OCA2: variants seen among roughly 807,000 people sequenced by gnomAD.
The protein encoded by OCA2 is OCA2 melanosomal transmembrane protein, also known as P protein.
A neutral mutation model predicts 100.2 loss-of-function variants in OCA2; 77 were observed. The observed-to-expected ratio is 0.77, with a 90% CI of 0.64 to 0.93. OCA2 has a LOEUF of 0.93. Among genes scored for constraint, OCA2 ranks in the 40% least tolerant of loss-of-function variants. The pLI is 0.00. For missense variants in OCA2, 1,062 were observed against 1,089.1 expected (o/e 0.98, Z 0.35); for synonymous variants, 432 against 439.2 (o/e 0.98, Z 0.21).
Position 28,093,395 on chromosome 15 carries a change from G to A in OCA2, c.-22+5829C>T, listed in dbSNP as rs2044905037. Among the ~76,000 whole-genome samples, 3 of 137,718 alleles carry A rather than the reference G, an allele frequency of 2.2e-5. No individual in the cohort carries two copies. In the Admixed American group the frequency reaches 2.3e-4, roughly 11 times the overall value. The allele number at this position is 137,718 out of a possible 152,430, so 90.3% of individuals were successfully genotyped here. On this transcript the variant is annotated intron_variant, in intron 1 of 23. Coordinates refer to ENST00000354638, the MANE Select transcript of OCA2 (RefSeq NM_000275.3). ...CACTGCACTCCAGCCTGGGCGACAA[G>A]AGCAAAACACCGTCTCAAAAAAAAA... is the stretch of plus-strand genomic sequence containing the variant.
intron 19 of OCA2, among the ~76,000 whole-genome samples, chr15:27,916,499 AG>A (rs2140303974): frequency 6.6e-6 from 1 of 152,344 alleles, no homozygotes; most frequent in Non-Finnish European, 1.5e-5. Flanking sequence ...AAGGACACTT[AG>A]CATTTCAAAT....
chr15:27,820,164 G>C (rs1220574237), intron 23 of OCA2, among the ~76,000 whole-genome samples: 1 of 152,112 alleles, frequency 6.6e-6, no homozygotes, highest in African/African-American at 2.4e-5. Flanking sequence ...GTAAATGATT[G>C]GAGAAGCATA....
intron 14 of OCA2, among the ~76,000 whole-genome samples, chr15:27,975,490 T>C (rs760371653): frequency 5.8e-4 from 88 of 152,214 alleles, no homozygotes; most frequent in Non-Finnish European, 1.1e-3. Context: ...CTAAAGTTCA[T>C]TTTTCCTGAA....
intron 2 of OCA2, among the ~76,000 whole-genome samples, chr15:28,074,374 C>T (rs2044359706): frequency 6.6e-6 from 1 of 151,652 alleles, no homozygotes; most frequent in African/African-American, 2.4e-5. Flanking sequence ...CCCGTCTCTA[C>T]TAAAAATACA....
intron 9 of OCA2, among the ~76,000 whole-genome samples, chr15:28,009,619 C>T (rs548622069): frequency 5.1e-4 from 77 of 151,590 alleles, no homozygotes; most frequent in Admixed American, 1.6e-3. Context: ...ACCCACAAGG[C>T]GCAGGTTGCA....
In OCA2 at chr15:27,957,960, C is replaced by T. The variant is rs903802784; in HGVS notation, c.1637-225G>A. 1.2e-4 allele frequency among the ~76,000 whole-genome samples: 18 copies of T among 152,232 alleles called. No homozygotes were observed. Among genetic ancestry groups the T allele is most frequent in the African/African-American group, 3.9e-4 (16 of 41,540 alleles). ...ATCACAAATTGCAAGGACAAAAAACCAAACACCACATGTTCTCACTCATAG... is the reference window on the plus strand; with the variant it reads ...ATCACAAATTGCAAGGACAAAAAACTAAACACCACATGTTCTCACTCATAG... On this transcript the variant is annotated intron_variant, in intron 15 of 23. Transcript: ENST00000354638. The surrounding 1 kb of genome is among the most constrained non-coding windows in gnomAD (Gnocchi z 4.3).
chr15:27,732,817 C>A, the OCA2 span, among the ~76,000 whole-genome samples: 2 of 152,308 alleles, frequency 1.3e-5, no homozygotes, highest in Admixed American at 6.5e-5. Context: ...CCATTCATGA[C>A]TTTTGGAGAT....
chr15:27,725,841 T>C, the OCA2 span, among the ~76,000 whole-genome samples: 1,069 of 151,736 alleles, frequency 7.0e-3, 13 homozygotes, highest in African/African-American at 0.025. Context: ...TTAAAAAGAG[T>C]GGGTTGAGTT....
At chr15:27,832,254 C>T (rs1417550737) in intron 23 of OCA2, among the ~76,000 whole-genome samples, 2 of 152,192 alleles carry the variant, frequency 1.3e-5, no homozygotes, top group African/African-American at 4.8e-5. Flanking sequence ...CTGCCCTGCA[C>T]ACACTGGCCC....
chr15:27,794,779 T>G (rs1262340150), intron 23 of OCA2, among the ~76,000 whole-genome samples: 2 of 152,178 alleles, frequency 1.3e-5, no homozygotes, highest in East Asian at 3.8e-4. Context: ...CCTTCTCAAT[T>G]GCCAATTTTT....
At chr15:27,737,457 AAT>A in the OCA2 span, among the ~76,000 whole-genome samples, 1 of 152,218 alleles carries the variant, frequency 6.6e-6, no homozygotes, top group Admixed American at 6.5e-5. Context: ...AGGATAGCAA[AAT>A]ATGTCAATAG....
chr15:28,090,562 A>G (rs1248466314), intron 1 of OCA2, among the ~76,000 whole-genome samples: 1 of 152,218 alleles, frequency 6.6e-6, no homozygotes, highest in Admixed American at 6.5e-5. Flanking sequence ...AAATCTGCAC[A>G]CTTAGAAATT....
the OCA2 span, among the ~76,000 whole-genome samples, chr15:27,722,802 T>TTCTCTC: frequency 7.6e-3 from 299 of 39,554 alleles, 2 homozygotes; most frequent in African/African-American, 0.023. Flanking sequence ...CTCTCTCTCT[T>TTCTCTC]TCTCTCTCTC....
At chr15:28,016,333 C>A in intron 7 of OCA2, 147 bp from the exon 8 acceptor site, 1 of 723,504 alleles carries the variant, frequency 1.4e-6, no homozygotes, top group South Asian at 1.5e-5. Flanking sequence ...GCTCTCACAT[C>A]TCTGATGTTA....
At chr15:27,920,677 T>A (rs1017599478) in intron 19 of OCA2, among the ~76,000 whole-genome samples, 1 of 151,970 alleles carries the variant, frequency 6.6e-6, no homozygotes, top group African/African-American at 2.4e-5. Flanking sequence ...ATAACAATGA[T>A]GCATTAAGTA....
intron 9 of OCA2, among the ~76,000 whole-genome samples, chr15:28,006,943 C>T (rs1263133338): frequency 1.3e-5 from 2 of 152,180 alleles, no homozygotes; most frequent in Non-Finnish European, 2.9e-5. Flanking sequence ...AATGGAAACT[C>T]CCTGGAAGAT....
At chr15:27,884,247 G>T (rs957271176) in intron 19 of OCA2, among the ~76,000 whole-genome samples, 6 of 152,184 alleles carry the variant, frequency 3.9e-5, no homozygotes, top group Non-Finnish European at 8.8e-5. Context: ...ACATGGTGGC[G>T]CAAGCCTGTA....
At chr15:27,863,355 G>A (rs148486294) in intron 21 of OCA2, among the ~76,000 whole-genome samples, 1 of 152,298 alleles carries the variant, frequency 6.6e-6, no homozygotes, top group Non-Finnish European at 1.5e-5. Flanking sequence ...TCTGAGAGCT[G>A]AGATATGGAT....
rs116667556 is a variant in OCA2, at chr15:27,969,181, C to T, written c.1504-2359G>A. ...ACATAATAACTATAAAGTTTTGCCC[C>T]ATTTGAAATGTTGGGGCAATTGGAG... is the stretch of plus-strand genomic sequence containing the variant. On this transcript the variant is annotated intron_variant, in intron 14 of 23. Coordinates refer to ENST00000354638, the MANE Select transcript of OCA2 (RefSeq NM_000275.3). Among the ~76,000 whole-genome samples the T allele has an allele frequency of 1.5e-3, 224 of 151,434 alleles. 3 individuals carry two copies. The highest frequency in any genetic ancestry group is 5.2e-3 in the African/African-American group (216 of 41,210).
Sources: allele counts gnomAD v4.1 joint callset (sites outside exome capture counted in the v4.1 genomes callset), GRCh38; gene constraint gnomAD v4.1.1; non-coding constraint Gnocchi (gnomAD v3.1); transcripts MANE v1.5; gene names NCBI Gene and HGNC (gene_info 2026-07-23, HGNC 2026-07-21).